DPP10: variants seen among roughly 807,000 people sequenced by gnomAD.
DPP10 encodes inactive dipeptidyl peptidase 10.
A neutral mutation model predicts 120.9 loss-of-function variants in DPP10; 33 were observed. The ratio of observed to expected loss-of-function variants is 0.27; its 90% confidence interval spans 0.21 to 0.37. The LOEUF (loss-of-function observed/expected upper bound fraction) is 0.37. DPP10 is among the 10% of genes least tolerant of loss of function. The pLI is 1.00. For missense variants in DPP10, 816 were observed against 942.8 expected (o/e 0.87, Z 1.76); for synonymous variants, 337 against 326.1 (o/e 1.03, Z -0.36).
intron 3 of DPP10, among the ~76,000 whole-genome samples, chr2:115,389,641 C>T (rs1271649900): frequency 6.6e-6 from 1 of 152,010 alleles, no homozygotes; most frequent in Non-Finnish European, 1.5e-5. Context: ...TGAGAAGAGT[C>T]CCGTTAGAGT....
At chr2:114,931,335 A>G (rs1696055643) in intron 1 of DPP10, among the ~76,000 whole-genome samples, 1 of 152,204 alleles carries the variant, frequency 6.6e-6, no homozygotes, top group Admixed American at 6.5e-5. Flanking sequence ...GGAGGGCCTC[A>G]GGCTGCTTCC....
intron 1 of DPP10, among the ~76,000 whole-genome samples, chr2:114,613,168 T>A (rs375096762): frequency 5.3e-5 from 8 of 152,326 alleles, no homozygotes; most frequent in African/African-American, 1.9e-4. Flanking sequence ...GAGGCTTTGA[T>A]ATTCCATTTT....
intron 3 of DPP10, among the ~76,000 whole-genome samples, chr2:115,453,138 C>T (rs2073248380): frequency 6.6e-6 from 1 of 151,398 alleles, no homozygotes; most frequent in Non-Finnish European, 1.5e-5. Flanking sequence ...AAGAAGGGTA[C>T]ATTTTTTTCA....
chr2:115,376,046 G>A (rs2065768607), intron 3 of DPP10, among the ~76,000 whole-genome samples: 1 of 152,090 alleles, frequency 6.6e-6, no homozygotes, highest in Non-Finnish European at 1.5e-5. Flanking sequence ...GTGGGTGAAT[G>A]TTGAAAGCGG....
At chr2:115,719,934 A>T (rs2092603183) in intron 7 of DPP10, among the ~76,000 whole-genome samples, 1 of 152,182 alleles carries the variant, frequency 6.6e-6, no homozygotes, top group South Asian at 2.1e-4. Context: ...GATAATCATT[A>T]TCCTGATTTG....
At chr2:115,430,252 A>G (rs139753610) in intron 3 of DPP10, among the ~76,000 whole-genome samples, 1 of 152,320 alleles carries the variant, frequency 6.6e-6, no homozygotes, top group Non-Finnish European at 1.5e-5. Flanking sequence ...GTCAGTGCTC[A>G]AATATTGGAA....
At chr2:114,804,641 GC>G (rs1415507429) in intron 1 of DPP10, among the ~76,000 whole-genome samples, 1 of 152,150 alleles carries the variant, frequency 6.6e-6, no homozygotes, top group Non-Finnish European at 1.5e-5. Context: ...ACTTGCACGG[GC>G]CCTGTAACCC....
intron 1 of DPP10, among the ~76,000 whole-genome samples, chr2:115,005,849 T>C (rs1377833529): frequency 6.6e-6 from 1 of 151,996 alleles, no homozygotes; most frequent in East Asian, 1.9e-4. Flanking sequence ...AACATTCAGA[T>C]TCAGGAAATA....
chr2:114,583,933 A>T (rs1690739384), intron 1 of DPP10, among the ~76,000 whole-genome samples: 3 of 152,094 alleles, frequency 2.0e-5, no homozygotes, highest in East Asian at 1.9e-4. Context: ...CTTTTATCTC[A>T]CTATAAAATA....
At chr2:115,236,173 T>C (rs2105524767) in intron 1 of DPP10, among the ~76,000 whole-genome samples, 1 of 152,316 alleles carries the variant, frequency 6.6e-6, no homozygotes, top group African/African-American at 2.4e-5. Flanking sequence ...CTATACATTG[T>C]CACTAAACCC....
At chr2:115,802,492 T>C (rs1203436660) in intron 19 of DPP10, among the ~76,000 whole-genome samples, 2 of 152,210 alleles carry the variant, frequency 1.3e-5, no homozygotes, top group Non-Finnish European at 2.9e-5. Context: ...GTGTTTGCTC[T>C]TGCTTTTCTA....
chr2:114,581,777 A>G (rs542897562), intron 1 of DPP10, among the ~76,000 whole-genome samples: 3 of 152,332 alleles, frequency 2.0e-5, no homozygotes, highest in East Asian at 3.9e-4. Flanking sequence ...CTTTAATATA[A>G]TCTACCCAAT....
chr2:114,922,267 G>A (rs948474113), intron 1 of DPP10, among the ~76,000 whole-genome samples: 1 of 152,062 alleles, frequency 6.6e-6, no homozygotes, highest in Non-Finnish European at 1.5e-5. Flanking sequence ...CTCAGTTTAT[G>A]CAACCACTAA....
chr2:115,548,637 A>G (rs1411694110), intron 5 of DPP10, among the ~76,000 whole-genome samples: 1 of 152,174 alleles, frequency 6.6e-6, no homozygotes, highest in Non-Finnish European at 1.5e-5. Flanking sequence ...CCTTGCCTCC[A>G]TGAATTTACC....
chr2:115,331,491 G>A (rs930813702), intron 2 of DPP10, among the ~76,000 whole-genome samples: 8 of 152,202 alleles, frequency 5.3e-5, no homozygotes, highest in South Asian at 2.1e-4. Flanking sequence ...GGGCATCCCC[G>A]TCTTGTGCCA....
At chr2:115,714,310 A>G (rs1176501357) in intron 7 of DPP10, among the ~76,000 whole-genome samples, 1 of 152,208 alleles carries the variant, frequency 6.6e-6, no homozygotes, top group African/African-American at 2.4e-5. Flanking sequence ...CTGCTTTTCC[A>G]CTAGAGCAGA....
intron 3 of DPP10, among the ~76,000 whole-genome samples, chr2:115,429,285 T>C (rs1163027837): frequency 2.6e-5 from 4 of 152,086 alleles, no homozygotes; most frequent in African/African-American, 4.8e-5. Flanking sequence ...TGGAGGCTAC[T>C]GTAATGTTTA....
chr2:114,535,064 T>A (rs1453011408), intron 1 of DPP10, among the ~76,000 whole-genome samples: 1 of 147,576 alleles, frequency 6.8e-6, no homozygotes, highest in Non-Finnish European at 1.5e-5. Context: ...TTCTTTTCTT[T>A]CTTCCCATTT....
At chr2:114,712,316 T>C (rs950125897) in intron 1 of DPP10, among the ~76,000 whole-genome samples, 5 of 152,144 alleles carry the variant, frequency 3.3e-5, no homozygotes, top group African/African-American at 1.2e-4. Flanking sequence ...TGAGACTGTG[T>C]CTCAAAAAAA....
Sources: allele counts gnomAD v4.1 joint callset (sites outside exome capture counted in the v4.1 genomes callset), GRCh38; gene constraint gnomAD v4.1.1; transcripts MANE v1.5; gene names NCBI Gene and HGNC (gene_info 2026-07-23, HGNC 2026-07-21).